The following OSBPL5 variants were observed in gnomAD, a reference collection of about 807,000 sequenced individuals.
OSBPL5 encodes oxysterol-binding protein-related protein 5.
In OSBPL5, 71 loss-of-function variants were observed where a neutral mutation model predicts 111.2. That is an observed-to-expected ratio of 0.64 (90% CI 0.53 to 0.78). OSBPL5 has a LOEUF of 0.78. OSBPL5 is among the 30% of genes least tolerant of loss of function. OSBPL5 has a pLI of 0.00. For synonymous variants in OSBPL5, 549 were observed against 513.9 expected (o/e 1.07, Z -0.93); for missense variants, 1,210 against 1,189.3 (o/e 1.02, Z -0.26).
chr11:3,106,710 G>A lies in OSBPL5; in HGVS notation c.1059+553C>T, dbSNP rs956626852. Among the ~76,000 whole-genome samples, 2 of 152,274 alleles carry A rather than the reference G, an allele frequency of 1.3e-5. No individual in the cohort carries two copies. The highest frequency in any genetic ancestry group is 2.4e-5 in the African/African-American group (1 of 41,540). On this transcript the variant is annotated intron_variant, in intron 9 of 21. Transcript: ENST00000263650. The surrounding 1 kb of genome is among the most constrained non-coding windows in gnomAD (Gnocchi z 8.4). ...CGTCTTCAGAAAGAGCCCATGGCCC[G>A]GTTTGCCTCCCTCACCTGCTCCCCA...
chr11:3,133,341 A>C (rs1161057144), intron 1 of OSBPL5, among the ~76,000 whole-genome samples: 1 of 152,240 alleles, frequency 6.6e-6, no homozygotes, highest in Admixed American at 6.5e-5. Context: ...AAGGAAACAG[A>C]CACGCTGGCT....
chr11:3,107,267 C>G lies in OSBPL5; in HGVS notation c.1055G>C (p.Gly352Ala). The change falls in exon 9 of 22, where the codon GGG becomes GCG. Residue 352 changes from glycine to alanine, a missense_variant. Transcript: ENST00000263650. This position sits in a 1 kb window ranked among gnomAD's most constrained non-coding sequence, Gnocchi z 6.1. ...TYVEQVQEEL[G>A]ELGEASQVET... ...TCCTGGCTGGGGGGCTCTCACCTCC[C>G]CCAGCTCCTCCTGGACCTGCTCCAC... The G allele has an allele frequency of 6.2e-7, 1 of 1,612,198 alleles. No homozygotes were observed. The highest frequency in any genetic ancestry group is 8.5e-7 in the Non-Finnish European group (1 of 1,179,498).
In OSBPL5 at chr11:3,092,816, C is replaced by G. The variant is rs1857109835; in HGVS notation, c.2132+51G>C. 1 of 1,476,350 alleles carries G rather than the reference C, an allele frequency of 6.8e-7. No individual in the cohort carries two copies. The highest frequency in any genetic ancestry group is 1.4e-5 in the African/African-American group (1 of 71,246). 91.5% of individuals were successfully genotyped at this position (1,476,350 alleles called of 1,614,324 possible). A position where few individuals can be genotyped will look rare whatever the true frequency, so the allele number is the denominator to read the frequency against. On this transcript the variant is annotated intron_variant, in intron 18 of 21. Coordinates refer to ENST00000263650, the MANE Select transcript of OSBPL5 (RefSeq NM_020896.4). This position sits in a 1 kb window ranked among gnomAD's most constrained non-coding sequence, Gnocchi z 5.4. ...AGCCCCTGGGCCCTTCTCAGCCCGT[C>G]TGCTAGGCCCAGCCCCACCCTGTGG...
intron 3 of OSBPL5, among the ~76,000 whole-genome samples, chr11:3,123,374 A>C (rs1858491348): frequency 6.6e-6 from 1 of 152,220 alleles, no homozygotes; most frequent in Non-Finnish European, 1.5e-5. Flanking sequence ...TCACAAGAAT[A>C]ATTTGTGAGA....
At chr11:3,156,256 C>T (rs1846755514) in intron 1 of OSBPL5, among the ~76,000 whole-genome samples, 1 of 152,164 alleles carries the variant, frequency 6.6e-6, no homozygotes, top group East Asian at 1.9e-4. Context: ...ATGGAACTAC[C>T]AGAATGTCCT....
At chr11:3,133,403 G>C (rs1455346851) in intron 1 of OSBPL5, among the ~76,000 whole-genome samples, 1 of 152,244 alleles carries the variant, frequency 6.6e-6, no homozygotes, top group Non-Finnish European at 1.5e-5. Flanking sequence ...CAAAAGGCCT[G>C]TTATCGCCAC....
At position 3,107,985 on chromosome 11, in the gene OSBPL5, C is replaced by T. The variant is rs1361439306; in HGVS notation, c.692-40G>A. On this transcript the variant is annotated intron_variant, in intron 7 of 21. Coordinates refer to ENST00000263650, the MANE Select transcript of OSBPL5 (RefSeq NM_020896.4). This position sits in a 1 kb window ranked among gnomAD's most constrained non-coding sequence, Gnocchi z 6.1. ...GGATGAGCATGCCCCACCCCCACCT[C>T]TGTATATCCCGCATCCCCCAAGGGG... is the stretch of plus-strand genomic sequence containing the variant. 1.9e-6 allele frequency: 3 copies of T among 1,543,364 alleles called. No homozygotes were observed. The Admixed American group carries it at 5.2e-5, about 27-fold the overall frequency.
Position 3,087,824 on chromosome 11 carries a change from C to G in OSBPL5, c.*381G>C, listed in dbSNP as rs1045600471. The G allele has an allele frequency of 3.6e-5, 6 of 167,192 alleles. No homozygotes were observed. In the East Asian group the frequency reaches 5.0e-4, roughly 14 times the overall value. The allele number at this position is 167,192 out of a possible 1,614,324, so 10.4% of individuals were successfully genotyped here. ...GGGCTCCTCCAAACCTGCCCACTCA[C>G]TGCTGCTGGGGTGTGACTGTCCAGG... On this transcript the variant is annotated 3_prime_UTR_variant, in exon 22 of 22. Coordinates refer to ENST00000263650, the MANE Select transcript of OSBPL5 (RefSeq NM_020896.4).
chr11:3,150,631 G>C (rs61503147), intron 1 of OSBPL5, among the ~76,000 whole-genome samples: 73,792 of 152,114 alleles, frequency 0.49, 18,896 homozygotes, highest in Non-Finnish European at 0.57. Context: ...CATGCCTCTG[G>C]GGGGAGCAGA....
At position 3,154,393 on chromosome 11, in the gene OSBPL5, G is replaced by C. The variant is rs1425719290; in HGVS notation, c.-22+10823C>G. ...AGAGTGGCTGACGGCGTGTGGCACA[G>C]GCGGGGTGAGCCCGGAAGGGTGAGC... On this transcript the variant is annotated intron_variant, in intron 1 of 21. Coordinates refer to ENST00000263650, the MANE Select transcript of OSBPL5 (RefSeq NM_020896.4). This position sits in a 1 kb window ranked among gnomAD's most constrained non-coding sequence, Gnocchi z 4.9. Among the ~76,000 whole-genome samples, 1 of 152,260 alleles carries C rather than the reference G, an allele frequency of 6.6e-6. No homozygotes were observed. Among genetic ancestry groups the C allele is most frequent in the Non-Finnish European group, 1.5e-5 (1 of 68,038 alleles).
intron 7 of OSBPL5, among the ~76,000 whole-genome samples, chr11:3,118,782 G>T (rs1186089964): frequency 1.3e-5 from 2 of 151,938 alleles, no homozygotes; most frequent in Non-Finnish European, 2.9e-5. Context: ...TGTTGATCAG[G>T]CTGGTCAAAC....
intron 1 of OSBPL5, among the ~76,000 whole-genome samples, chr11:3,157,225 G>A (rs1051568625): frequency 6.6e-6 from 1 of 152,220 alleles, no homozygotes; most frequent in East Asian, 1.9e-4. Flanking sequence ...TCCCGAGCAC[G>A]TGGGAAAAAG....
rs1441272812 is a variant in OSBPL5, at chr11:3,105,724, G to A, written c.1060-1347C>T. ...GCCCCACCTCTGTGAAGCCTTATCT[G>A]TGCTCGGCCTCTGAAGGTTGGGTGC... On this transcript the variant is annotated intron_variant, in intron 9 of 21. Coordinates refer to ENST00000263650, the MANE Select transcript of OSBPL5 (RefSeq NM_020896.4). This position sits in a 1 kb window ranked among gnomAD's most constrained non-coding sequence, Gnocchi z 5.2. Among the ~76,000 whole-genome samples the A allele has an allele frequency of 6.6e-6, 1 of 152,112 alleles. No individual in the cohort carries two copies. Among genetic ancestry groups the A allele is most frequent in the Non-Finnish European group, 1.5e-5 (1 of 68,016 alleles).
chr11:3,100,798 C>T (rs572300576), intron 13 of OSBPL5, among the ~76,000 whole-genome samples: 78 of 152,096 alleles, frequency 5.1e-4, no homozygotes, highest in Non-Finnish European at 1.0e-3. Flanking sequence ...ACGGATGGGA[C>T]GAAATGTAAA....
intron 7 of OSBPL5, among the ~76,000 whole-genome samples, chr11:3,117,192 A>T (rs113785026): frequency 0.016 from 2,506 of 152,302 alleles, 77 homozygotes; most frequent in African/African-American, 0.057. Context: ...CTTTCCTTTA[A>T]GGACTCAAAC....
Position 3,130,355 on chromosome 11 carries a change from T to C in OSBPL5, c.-21-1186A>G, listed in dbSNP as rs1858782560. Among the ~76,000 whole-genome samples, 1 of 152,252 alleles carries C rather than the reference T, an allele frequency of 6.6e-6. No individual in the cohort carries two copies. Among genetic ancestry groups the C allele is most frequent in the Non-Finnish European group, 1.5e-5 (1 of 68,040 alleles). On this transcript the variant is annotated intron_variant, in intron 1 of 21. Coordinates refer to ENST00000263650, the MANE Select transcript of OSBPL5 (RefSeq NM_020896.4). The surrounding 1 kb of genome is among the most constrained non-coding windows in gnomAD (Gnocchi z 4.5). ...GCCTCAGGGCAGGCCAGTGGCATCC[T>C]GCCAAGCCCGGGACAAAGGCCTCGA... is the stretch of plus-strand genomic sequence containing the variant.
At chr11:3,114,899 G>A (rs1858159578) in intron 7 of OSBPL5, among the ~76,000 whole-genome samples, 1 of 152,008 alleles carries the variant, frequency 6.6e-6, no homozygotes, top group African/African-American at 2.4e-5. Flanking sequence ...ACCGCACCTG[G>A]CCGACATTTT....
In OSBPL5 at chr11:3,100,252, G is replaced by T. The variant is rs1199997778; in HGVS notation, c.1527C>A (p.Asn509Lys). The T allele has an allele frequency of 6.2e-7, 1 of 1,613,930 alleles. No individual in the cohort carries two copies. Among genetic ancestry groups the T allele is most frequent in the Non-Finnish European group, 8.5e-7 (1 of 1,179,964 alleles). Reference sequence around the variant, plus strand: ...TGCCGTCCAGCAGCGCCGACAGCGAGTTCCCTGCAGAGACAAGAGACAGCA... The same window carrying T: ...TGCCGTCCAGCAGCGCCGACAGCGATTTCCCTGCAGAGACAAGAGACAGCA... ...SITAKSRFYG[N>K]SLSALLDGKA... Residue 509 changes from asparagine to lysine, a missense_variant, in exon 14 of 22, where the codon AAC becomes AAA. Coordinates refer to ENST00000263650, the MANE Select transcript of OSBPL5 (RefSeq NM_020896.4).
Position 3,105,357 on chromosome 11 carries a change from G to A in OSBPL5, c.1060-980C>T, listed in dbSNP as rs1857656861. 6.6e-6 allele frequency among the ~76,000 whole-genome samples: 1 copy of A among 152,172 alleles called. No individual in the cohort carries two copies. The highest frequency in any genetic ancestry group is 1.5e-5 in the Non-Finnish European group (1 of 68,014). On this transcript the variant is annotated intron_variant, in intron 9 of 21. Coordinates refer to ENST00000263650, the MANE Select transcript of OSBPL5 (RefSeq NM_020896.4). This position sits in a 1 kb window ranked among gnomAD's most constrained non-coding sequence, Gnocchi z 5.2. ...GCCTCTCTGTGCACGCATGGCCACG[G>A]ACAGATCCTGGTGGCACTGGCCCAG...
Sources: gnomAD v4.1 joint callset for allele counts (sites outside exome capture counted in the v4.1 genomes callset) on GRCh38, gnomAD v4.1.1 for gene constraint, Gnocchi (gnomAD v3.1) non-coding constraint, MANE v1.5 for transcripts, NCBI Gene and HGNC (gene_info 2026-07-23, HGNC 2026-07-21) for gene names.